The following RBM18 variants were observed in gnomAD, a reference collection of about 807,000 sequenced individuals.
The protein encoded by RBM18 is probable RNA-binding protein 18.
RBM18 carries 18 observed loss-of-function variants against 26.4 expected under a neutral mutation model. The ratio of observed to expected loss-of-function variants is 0.68; its 90% CI spans 0.47 to 1.01. The LOEUF (loss-of-function observed/expected upper bound fraction) is 1.01, where lower values mean the gene tolerates loss of function less well. Ranked by LOEUF, RBM18 falls within the 50% of genes least tolerant of loss-of-function variation. The pLI is 0.00. For missense variants in RBM18, 180 were observed against 219.2 expected (o/e 0.82, Z 1.13); for synonymous variants, 74 against 81.1 (o/e 0.91, Z 0.47).
chr9:122,237,686 A>G lies in RBM18; in HGVS notation c.*4198T>C, dbSNP rs886511692. The G allele has an allele frequency of 6.6e-6, 1 of 152,360 alleles. No individual in the cohort carries two copies. Among genetic ancestry groups the G allele is most frequent in the Non-Finnish European group, 1.5e-5 (1 of 68,038 alleles). 9.4% of individuals were successfully genotyped at this position (152,360 alleles called of 1,614,324 possible). On this transcript the variant is annotated 3_prime_UTR_variant, in exon 6 of 6. Coordinates refer to ENST00000417201, the MANE Select transcript of RBM18 (RefSeq NM_033117.4). The stretch of plus-strand genomic sequence containing the variant: ...CTGCATTAATACGAGAATTTTAGAA[A>G]ACACATTTCCAGTCATGGAATATTG...
In RBM18 at chr9:122,238,784, C is replaced by G. The variant is rs1385551478; in HGVS notation, c.*3100G>C. 1 of 152,014 alleles carries G rather than the reference C, an allele frequency of 6.6e-6. No homozygotes were observed. The highest frequency in any genetic ancestry group is 1.5e-5 in the Non-Finnish European group (1 of 68,026). 9.4% of individuals were successfully genotyped at this position (152,014 alleles called of 1,614,324 possible). ...CTTTGGCTACTGTGTGGAAAACGGA[C>G]CCTAAAGAATCAATAGCAGAGGCAG... On this transcript the variant is annotated 3_prime_UTR_variant, in exon 6 of 6. Coordinates refer to ENST00000417201, the MANE Select transcript of RBM18 (RefSeq NM_033117.4).
chr9:122,262,553 C>G (rs1157352916), intron 1 of RBM18, among the ~76,000 whole-genome samples: 1 of 151,976 alleles, frequency 6.6e-6, no homozygotes, highest in African/African-American at 2.4e-5. Flanking sequence ...TGTCAGAAGA[C>G]ATTGTTTCAA....
At chr9:122,253,280 T>C (rs1052624341) in intron 2 of RBM18, among the ~76,000 whole-genome samples, 1 of 152,144 alleles carries the variant, frequency 6.6e-6, no homozygotes, top group Admixed American at 6.5e-5. Flanking sequence ...TTGATACTAA[T>C]GCACATCAAC....
chr9:122,257,163 C>T (rs1182239437), intron 2 of RBM18, among the ~76,000 whole-genome samples: 1 of 152,140 alleles, frequency 6.6e-6, no homozygotes, highest in African/African-American at 2.4e-5. Flanking sequence ...GCAAGCTCCG[C>T]CTCCCAGGTT....
Position 122,240,489 on chromosome 9 carries a change from A to G in RBM18, c.*1395T>C, listed in dbSNP as rs909283865. The G allele has an allele frequency of 1.3e-5, 2 of 152,248 alleles. No homozygotes were observed. Among genetic ancestry groups the G allele is most frequent in the Non-Finnish European group, 2.9e-5 (2 of 68,036 alleles). The allele number at this position is 152,248 out of a possible 1,614,324, so 9.4% of individuals were successfully genotyped here. ...CTTAAATTCATTTATACTCATGGGA[A>G]GATGTTAAGTTCCTATATTGAAAGC... On this transcript the variant is annotated 3_prime_UTR_variant, in exon 6 of 6. Coordinates refer to ENST00000417201, the MANE Select transcript of RBM18 (RefSeq NM_033117.4).
intron 2 of RBM18, among the ~76,000 whole-genome samples, chr9:122,252,451 C>A (rs1312871644): frequency 6.6e-6 from 1 of 152,178 alleles, no homozygotes; most frequent in Non-Finnish European, 1.5e-5. Context: ...AACAAACAAA[C>A]AAACAGTCCT....
intron 3 of RBM18, 31 bp downstream of exon 3, chr9:122,251,816 A>G: frequency 3.1e-6 from 5 of 1,597,356 alleles, no homozygotes; most frequent in Non-Finnish European, 3.4e-6. Flanking sequence ...AGCTTGATAA[A>G]TATTATAAAA....
chr9:122,261,295 C>T (rs1163507424), intron 2 of RBM18, 85 bp downstream of exon 2: 6 of 903,584 alleles, frequency 6.6e-6, no homozygotes, highest in Non-Finnish European at 9.3e-6. Context: ...AAGTATATCC[C>T]ACACCCCTTG....
intron 2 of RBM18, chr9:122,254,362 G>A (rs1463483759): frequency 3.3e-5 from 29 of 884,004 alleles, no homozygotes; most frequent in Non-Finnish European, 3.7e-5. Context: ...TAAAATTATC[G>A]GAACACTGAA....
chr9:122,257,137 G>A lies in RBM18; in HGVS notation c.113+4243C>T, dbSNP rs150147830. On this transcript the variant is annotated intron_variant, in intron 2 of 5. Coordinates refer to ENST00000417201, the MANE Select transcript of RBM18 (RefSeq NM_033117.4). ...GTCGCCCAGGCTGGAGTGCAGCGGC[G>A]CGATCTCGGCTCACTGCAAGCTCCG... 8.8e-3 allele frequency among the ~76,000 whole-genome samples: 1,342 copies of A among 152,186 alleles called. 16 individuals are homozygous for A. Among genetic ancestry groups the A allele is most frequent in the African/African-American group, 0.03 (1,262 of 41,508 alleles).
intron 2 of RBM18, among the ~76,000 whole-genome samples, chr9:122,254,992 G>C (rs1161619795): frequency 6.6e-6 from 1 of 152,206 alleles, no homozygotes; most frequent in Non-Finnish European, 1.5e-5. Context: ...TGATCCATTG[G>C]AGTAGAGTGG....
chr9:122,243,377 C>T (rs1376830493), intron 5 of RBM18, among the ~76,000 whole-genome samples: 2 of 152,232 alleles, frequency 1.3e-5, no homozygotes, highest in African/African-American at 4.8e-5. Context: ...AAGGTTCACA[C>T]AGTTAACAAA....
intron 2 of RBM18, among the ~76,000 whole-genome samples, chr9:122,255,022 G>A (rs896523600): frequency 3.3e-5 from 5 of 152,198 alleles, no homozygotes; most frequent in African/African-American, 7.2e-5. Context: ...GTAAGATGGG[G>A]CTGAAAGGTA....
chr9:122,241,231 T>C lies in RBM18; in HGVS notation c.*653A>G, dbSNP rs1831412610. 6.6e-6 allele frequency: 1 copy of C among 152,258 alleles called. No individual in the cohort carries two copies. Among genetic ancestry groups the C allele is most frequent in the Non-Finnish European group, 1.5e-5 (1 of 68,050 alleles). 9.4% of individuals were successfully genotyped at this position (152,258 alleles called of 1,614,324 possible). On this transcript the variant is annotated 3_prime_UTR_variant, in exon 6 of 6. Transcript: ENST00000417201. ...TTGTGGTATAAAATGTTAAATTTGA[T>C]TCTAGTTTTGTCAACACAAACAATT...
At chr9:122,259,763 C>T (rs1161913066) in intron 2 of RBM18, among the ~76,000 whole-genome samples, 3 of 152,198 alleles carry the variant, frequency 2.0e-5, no homozygotes, top group Non-Finnish European at 2.9e-5. Context: ...GCACAATCTC[C>T]GTGCACTGCA....
chr9:122,249,970 C>A (rs1831571851), intron 3 of RBM18, among the ~76,000 whole-genome samples: 1 of 146,526 alleles, frequency 6.8e-6, no homozygotes, highest in Admixed American at 7.1e-5. Flanking sequence ...ACTGCAGAGG[C>A]TGAGGTGGGA....
chr9:122,248,569 G>C (rs1412408292), intron 3 of RBM18, among the ~76,000 whole-genome samples: 1 of 152,196 alleles, frequency 6.6e-6, no homozygotes, highest in Non-Finnish European at 1.5e-5. Flanking sequence ...CTATGCACCT[G>C]GTTTTCAGAG....
chr9:122,259,136 TA>T (rs1161828541), intron 2 of RBM18, among the ~76,000 whole-genome samples: 2 of 152,066 alleles, frequency 1.3e-5, no homozygotes, highest in Non-Finnish European at 2.9e-5. Context: ...GCCAATGTTC[TA>T]ATTGAAAAAA....
chr9:122,243,455 T>C (rs1448989513), intron 5 of RBM18, among the ~76,000 whole-genome samples: 1 of 152,210 alleles, frequency 6.6e-6, no homozygotes, highest in South Asian at 2.1e-4. Context: ...AAGAGCTGAA[T>C]AGTCCTATAT....
Sources: gnomAD v4.1 joint callset for allele counts (sites outside exome capture counted in the v4.1 genomes callset) on GRCh38, gnomAD v4.1.1 for gene constraint, MANE v1.5 for transcripts, NCBI Gene and HGNC (gene_info 2026-07-23, HGNC 2026-07-21) for gene names.